Variants in SLC39A10 observed in about 807,000 individuals in gnomAD.
SLC39A10 encodes solute carrier family 39 member 10, also known as zinc transporter ZIP10.
Under a neutral mutation model 65.1 loss-of-function variants are expected in SLC39A10, and 13 were observed. The observed-to-expected ratio is 0.20, with a 90% confidence interval of 0.13 to 0.32. The LOEUF (loss-of-function observed/expected upper bound fraction) is 0.32. Among genes scored for constraint, SLC39A10 ranks in the 10% least tolerant of loss-of-function variants. The pLI, the probability that SLC39A10 is intolerant of heterozygous loss-of-function variation, is 1.00. For synonymous variants in SLC39A10, 321 were observed against 342.2 expected (o/e 0.94, Z 0.68); for missense variants, 831 against 1,018.4 (o/e 0.82, Z 2.50).
rs541623091 is a variant in SLC39A10 at position 195,716,126 on chromosome 2, G to A, written c.1697-511G>A. On this transcript the variant is annotated intron_variant, in intron 6 of 9. Transcript: ENST00000359634. ...CAGACATCACAAATTGTCAGAGAAC[G>A]AGGATCTGCACTTTAAGTACAATTC... Among the ~76,000 whole-genome samples, 21 of 152,260 alleles carry A rather than the reference G, an allele frequency of 1.4e-4. No homozygotes were observed. In the South Asian group the frequency reaches 2.7e-3, roughly 20 times the overall value.
chr2:195,680,053 A>G lies in SLC39A10; in HGVS notation c.11A>G (p.His4Arg). The G allele has an allele frequency of 6.2e-7, 1 of 1,602,050 alleles. No homozygotes were observed. Among genetic ancestry groups the G allele is most frequent in the Non-Finnish European group, 8.5e-7 (1 of 1,176,322 alleles). The change falls in exon 2 of 10, where the codon CAT becomes CGT. Residue 4 changes from histidine (H) to arginine (R), a missense_variant. By Grantham distance (29) the His-to-Arg change is conservative. Around this residue, in one of 4 missense-constraint regions of SLC39A10, gnomAD observed 446 missense variants for 499.2 expected, o/e 0.89. Coordinates refer to ENST00000359634, the MANE Select transcript of SLC39A10 (RefSeq NM_020342.3). MKV[H>R]MHTKFCLICL... ...TTAGGAAAAATAGAAATGAAGGTAC[A>G]TATGCACACAAAATTTTGCCTCATT...
intron 8 of SLC39A10, among the ~76,000 whole-genome samples, chr2:195,721,149 A>T (rs978792223): frequency 6.6e-6 from 1 of 152,054 alleles, no homozygotes; most frequent in African/African-American, 2.4e-5. Context: ...CATGTTGCCC[A>T]AGCTGGTCTT....
At position 195,614,297 on chromosome 2, in the gene SLC39A10, T is replaced by C. The variant is rs76234938; in HGVS notation, c.-12+8064T>C. On this transcript the variant is annotated intron_variant, in intron 2 of 2. Coordinates refer to the SLC39A10 transcript ENST00000458054. ...AGTTATACATCTAACCAGATCATGA[T>C]GGAGCAAGTTTTCATTTTTGTTTGT... 3.0e-3 allele frequency among the ~76,000 whole-genome samples: 459 copies of C among 152,356 alleles called. 26 individuals are homozygous for C. In the East Asian group the frequency reaches 0.083, roughly 27 times the overall value.
At chr2:195,647,813 A>C (rs1048976291) in intron 2 of SLC39A10, among the ~76,000 whole-genome samples, 4 of 152,008 alleles carry the variant, frequency 2.6e-5, no homozygotes, top group African/African-American at 4.8e-5. Context: ...AAAAACACAA[A>C]CTTTCTATTT....
chr2:195,617,289 G>T (rs576638647), intron 2 of SLC39A10, among the ~76,000 whole-genome samples: 2 of 152,140 alleles, frequency 1.3e-5, no homozygotes, highest in Admixed American at 6.5e-5. Flanking sequence ...TGAGCCGGGC[G>T]TAGTGGCTCA....
At chr2:195,644,565 C>T (rs1444921838) in intron 2 of SLC39A10, among the ~76,000 whole-genome samples, 1 of 151,740 alleles carries the variant, frequency 6.6e-6, no homozygotes, top group African/African-American at 2.4e-5. Context: ...TGGTCTTGAA[C>T]TCCTGACCTT....
chr2:195,636,526 TG>T (rs1688699193), intron 2 of SLC39A10, among the ~76,000 whole-genome samples: 1 of 149,740 alleles, frequency 6.7e-6, no homozygotes, highest in South Asian at 2.1e-4. Context: ...CTGAGGCGGG[TG>T]GATCACAAGG....
intron 2 of SLC39A10, among the ~76,000 whole-genome samples, chr2:195,637,045 A>G (rs528187710): frequency 3.3e-5 from 5 of 152,272 alleles, no homozygotes; most frequent in Non-Finnish European, 5.9e-5. Flanking sequence ...ATTAACAAAG[A>G]AAAAGGGGAG....
chr2:195,707,086 A>T (rs867565338), intron 4 of SLC39A10, among the ~76,000 whole-genome samples: 1 of 152,172 alleles, frequency 6.6e-6, no homozygotes, highest in African/African-American at 2.4e-5. Flanking sequence ...GTTAGCCTTT[A>T]GGAGAAATGC....
intron 6 of SLC39A10, among the ~76,000 whole-genome samples, chr2:195,713,959 C>T (rs1442255008): frequency 6.6e-6 from 1 of 151,616 alleles, no homozygotes; most frequent in Non-Finnish European, 1.5e-5. Context: ...CAGAGTCTCA[C>T]TCTGTCGCCC....
At chr2:195,727,200 G>C (rs1015835213) in intron 8 of SLC39A10, among the ~76,000 whole-genome samples, 33 of 152,068 alleles carry the variant, frequency 2.2e-4, no homozygotes, top group Non-Finnish European at 4.3e-4. Flanking sequence ...TTGGAGGGAG[G>C]GGGTGGCGGG....
intron 5 of SLC39A10, among the ~76,000 whole-genome samples, chr2:195,711,057 T>C (rs955277448): frequency 1.3e-5 from 2 of 152,178 alleles, no homozygotes; most frequent in African/African-American, 4.8e-5. Flanking sequence ...GAAGACTTCT[T>C]AGTTGATTAG....
chr2:195,671,915 C>G (rs1689874626), intron 1 of SLC39A10, among the ~76,000 whole-genome samples: 1 of 151,852 alleles, frequency 6.6e-6, no homozygotes, highest in Non-Finnish European at 1.5e-5. Flanking sequence ...TGTTATGTCT[C>G]TGAATGACTG....
intron 2 of SLC39A10, among the ~76,000 whole-genome samples, chr2:195,643,184 T>C (rs1688844952): frequency 6.6e-6 from 1 of 152,188 alleles, no homozygotes; most frequent in South Asian, 2.1e-4. Context: ...AGAGTACCAG[T>C]TGAAAGTGAC....
At chr2:195,661,989 C>T (rs1689420058) in intron 1 of SLC39A10, among the ~76,000 whole-genome samples, 1 of 152,116 alleles carries the variant, frequency 6.6e-6, no homozygotes, top group Non-Finnish European at 1.5e-5. Flanking sequence ...TTTATATACT[C>T]GACTTTGGGG....
chr2:195,661,712 T>C (rs1447989981), intron 1 of SLC39A10, among the ~76,000 whole-genome samples: 1 of 152,186 alleles, frequency 6.6e-6, no homozygotes, highest in Non-Finnish European at 1.5e-5. Flanking sequence ...AGTGGTTATT[T>C]AATAGATTTT....
intron 9 of SLC39A10, among the ~76,000 whole-genome samples, chr2:195,733,232 A>G (rs1692482432): frequency 6.6e-6 from 1 of 152,204 alleles, no homozygotes; most frequent in African/African-American, 2.4e-5. Flanking sequence ...GTTTTGGAGC[A>G]AAACGTAGTG....
intron 3 of SLC39A10, among the ~76,000 whole-genome samples, chr2:195,702,303 A>G (rs564552222): frequency 1.1e-4 from 17 of 152,294 alleles, no homozygotes; most frequent in Admixed American, 4.6e-4. Context: ...TGTCTACTCT[A>G]GCTCCTGTAA....
Position 195,657,678 on chromosome 2 carries a change from G to A in SLC39A10, c.-12+397G>A. 6 of 971,718 alleles carry A rather than the reference G, an allele frequency of 6.2e-6. No individual in the cohort carries two copies. In the South Asian group the frequency reaches 1.9e-4, roughly 31 times the overall value. The allele number at this position is 971,718 out of a possible 1,614,324, so 60.2% of individuals were successfully genotyped here. ...CGCTGGGCGGGTGGCGGCGGTTAGG[G>A]GGCTGCGCGCCGGCCGCGGATGGCG... On this transcript the variant is annotated intron_variant, in intron 1 of 9. Coordinates refer to ENST00000359634, the MANE Select transcript of SLC39A10 (RefSeq NM_020342.3).
Sources: allele counts gnomAD v4.1 joint callset (sites outside exome capture counted in the v4.1 genomes callset), GRCh38; gene constraint gnomAD v4.1.1; regional missense constraint gnomAD v4.1.1; transcripts MANE v1.5; gene names NCBI Gene and HGNC (gene_info 2026-07-23, HGNC 2026-07-21).